Variants in ST8SIA6 observed in about 807,000 individuals in gnomAD.
The protein encoded by ST8SIA6 is alpha-2,8-sialyltransferase 8F.
ST8SIA6 carries 39 observed loss-of-function variants against 33.6 expected under a neutral mutation model. The ratio of observed to expected loss-of-function variants is 1.16; its 90% CI spans 0.90 to 1.52. ST8SIA6 has a LOEUF of 1.52. Ranked by LOEUF, ST8SIA6 falls within the 40% of genes most tolerant of loss-of-function variation. The pLI is 0.00. For synonymous variants in ST8SIA6, 172 were observed against 167.2 expected, an observed-to-expected ratio of 1.03 and a Z score of -0.22; for missense variants, 441 against 443.8, an observed-to-expected ratio of 0.99 and a Z score of 0.06.
At chr10:17,324,007 T>G (rs1848047535) in intron 6 of ST8SIA6, among the ~76,000 whole-genome samples, 1 of 152,204 alleles carries the variant, frequency 6.6e-6, no homozygotes, top group African/African-American at 2.4e-5. Flanking sequence ...AATCCTAATG[T>G]TCTTATAGTG....
chr10:17,315,444 T>A lies in ST8SIA6; in HGVS notation c.*5434A>T, dbSNP rs1847739160. On this transcript the variant is annotated 3_prime_UTR_variant, in exon 8 of 8. Coordinates refer to ENST00000377602, the MANE Select transcript of ST8SIA6 (RefSeq NM_001004470.3). ...CATTAATGTTCATGATACCTTTATTTGTAATAGCCAAAACCAGGAGATAGT... is the reference window on the plus strand; with the variant it reads ...CATTAATGTTCATGATACCTTTATTAGTAATAGCCAAAACCAGGAGATAGT... 6.6e-6 allele frequency among the ~76,000 whole-genome samples: 1 copy of A among 152,030 alleles called. No homozygotes were observed. The highest frequency in any genetic ancestry group is 1.5e-5 in the Non-Finnish European group (1 of 67,884).
At chr10:17,348,617 C>T (rs555597779) in intron 4 of ST8SIA6, among the ~76,000 whole-genome samples, 2 of 152,100 alleles carry the variant, frequency 1.3e-5, no homozygotes, top group African/African-American at 4.8e-5. Flanking sequence ...CCTAAAGGGG[C>T]CCTAACTGCT....
intron 3 of ST8SIA6, among the ~76,000 whole-genome samples, chr10:17,387,407 A>G (rs1385191779): frequency 8.5e-6 from 1 of 117,828 alleles, no homozygotes; most frequent in Non-Finnish European, 1.6e-5. Context: ...ATGCGCCACC[A>G]CACCCAGCTC....
In ST8SIA6 at chr10:17,318,374, C is replaced by A; in HGVS notation, c.*2504G>T. On this transcript the variant is annotated 3_prime_UTR_variant, in exon 8 of 8. Transcript: ENST00000377602. ...GGGACCACAGGTGCACGCCACTATG[C>A]TCAGCTAATTTTTTTGTTTTTTGTA... 1 of 281,688 alleles carries A rather than the reference C, an allele frequency of 3.6e-6. No individual in the cohort carries two copies. The highest frequency in any genetic ancestry group is 6.9e-6 in the Non-Finnish European group (1 of 145,418). The allele number at this position is 281,688 out of a possible 1,614,324, so 17.4% of individuals were successfully genotyped here.
chr10:17,362,943 C>G (rs1486696137), intron 3 of ST8SIA6, among the ~76,000 whole-genome samples: 4 of 152,078 alleles, frequency 2.6e-5, no homozygotes, highest in Non-Finnish European at 5.9e-5. Flanking sequence ...AACTCCTGAC[C>G]TTGTGATCTA....
chr10:17,444,119 C>T (rs557750779), intron 2 of ST8SIA6, among the ~76,000 whole-genome samples: 22 of 152,202 alleles, frequency 1.4e-4, no homozygotes, highest in Non-Finnish European at 2.9e-4. Flanking sequence ...TCCTTCCTGC[C>T]TCCCCTGGGC....
intron 2 of ST8SIA6, among the ~76,000 whole-genome samples, chr10:17,400,882 C>T (rs570168045): frequency 2.6e-5 from 4 of 152,144 alleles, no homozygotes; most frequent in Admixed American, 6.5e-5. Context: ...GACAGGGATG[C>T]CCTCCTTCAC....
intron 3 of ST8SIA6, among the ~76,000 whole-genome samples, chr10:17,386,435 A>C (rs1458363322): frequency 2.6e-5 from 4 of 152,140 alleles, no homozygotes; most frequent in Non-Finnish European, 4.4e-5. Flanking sequence ...GCTACTGGGG[A>C]GACTGAGGCA....
chr10:17,403,912 A>G (rs1851143972), intron 2 of ST8SIA6, among the ~76,000 whole-genome samples: 1 of 151,966 alleles, frequency 6.6e-6, no homozygotes, highest in African/African-American at 2.4e-5. Context: ...AATTACAAAA[A>G]AAATTACCCA....
At chr10:17,323,628 A>G (rs1057508092) in intron 6 of ST8SIA6, among the ~76,000 whole-genome samples, 2 of 151,878 alleles carry the variant, frequency 1.3e-5, no homozygotes, top group Non-Finnish European at 2.9e-5. Context: ...CAAGTGATCC[A>G]CCTGCCTTGG....
intron 6 of ST8SIA6, 85 bp from the exon 7 acceptor site, chr10:17,323,242 C>CACACACAT: frequency 1.3e-6 from 1 of 789,356 alleles, no homozygotes; most frequent in Admixed American, 2.2e-5. Context: ...CACACACACA[C>CACACACAT]ACACACACCT....
At chr10:17,334,941 G>A (rs1350775725) in intron 4 of ST8SIA6, among the ~76,000 whole-genome samples, 1 of 152,068 alleles carries the variant, frequency 6.6e-6, no homozygotes, top group Middle Eastern at 3.2e-3. Flanking sequence ...TTGTTCCAGG[G>A]TTTAATCAAC....
At chr10:17,452,456 G>A (rs1313733987) in intron 2 of ST8SIA6, among the ~76,000 whole-genome samples, 1 of 152,180 alleles carries the variant, frequency 6.6e-6, no homozygotes, top group Non-Finnish European at 1.5e-5. Context: ...AATCATAATA[G>A]CAATGCTAAG....
chr10:17,382,164 TG>T (rs1249508530), intron 3 of ST8SIA6, among the ~76,000 whole-genome samples: 2 of 152,224 alleles, frequency 1.3e-5, no homozygotes, highest in Non-Finnish European at 2.9e-5. Context: ...GTAGACAAAC[TG>T]GTCATAATTT....
intron 3 of ST8SIA6, among the ~76,000 whole-genome samples, chr10:17,372,194 C>A (rs138073741): frequency 6.6e-6 from 1 of 152,268 alleles, no homozygotes; most frequent in Non-Finnish European, 1.5e-5. Context: ...TACTGATACC[C>A]GAGCTTCAAG....
intron 2 of ST8SIA6, among the ~76,000 whole-genome samples, chr10:17,439,482 G>A (rs901736682): frequency 1.6e-4 from 24 of 152,312 alleles, no homozygotes; most frequent in Middle Eastern, 3.4e-3. Context: ...GTTTTGCCAT[G>A]CTGGCCAGGC....
intron 3 of ST8SIA6, among the ~76,000 whole-genome samples, chr10:17,380,735 A>T (rs1850103517): frequency 1.3e-5 from 2 of 152,066 alleles, no homozygotes; most frequent in Non-Finnish European, 2.9e-5. Context: ...CTAACAGCCA[A>T]GATGTGTGTG....
At chr10:17,352,045 C>T (rs1439668487) in intron 4 of ST8SIA6, among the ~76,000 whole-genome samples, 1 of 144,412 alleles carries the variant, frequency 6.9e-6, no homozygotes, top group African/African-American at 2.6e-5. Context: ...AATGTTCTCA[C>T]TAAAAAAAAA....
chr10:17,453,400 C>G (rs1294862387), intron 2 of ST8SIA6, among the ~76,000 whole-genome samples, 159 bp downstream of exon 2: 2 of 151,912 alleles, frequency 1.3e-5, no homozygotes, highest in East Asian at 1.9e-4. Flanking sequence ...GGGTGCCCCC[C>G]CCCAACCCCG....
Sources: allele counts gnomAD v4.1 joint callset (sites outside exome capture counted in the v4.1 genomes callset), GRCh38; gene constraint gnomAD v4.1.1; transcripts MANE v1.5; gene names NCBI Gene and HGNC (gene_info 2026-07-23, HGNC 2026-07-21).